The following TANGO6 variants were observed in gnomAD, a reference collection of about 807,000 sequenced individuals.
TANGO6 encodes the protein transport and golgi organization 6 homolog.
In TANGO6, 90 loss-of-function variants were observed where a neutral mutation model predicts 114.2. The ratio of observed to expected loss-of-function variants is 0.79; its 90% CI spans 0.66 to 0.94. The LOEUF is 0.94. Among genes scored for constraint, TANGO6 ranks in the 40% least tolerant of loss-of-function variants. TANGO6 has a pLI of 0.00. For synonymous variants in TANGO6, 477 were observed against 509.8 expected, an observed-to-expected ratio of 0.94 and a Z score of 0.87; for missense variants, 1,274 against 1,315.3, an observed-to-expected ratio of 0.97 and a Z score of 0.49.
At chr16:69,070,044 T>TAAAAAA (rs775552668) in intron 17 of TANGO6, among the ~76,000 whole-genome samples, 1 of 75,376 alleles carries the variant, frequency 1.3e-5, no homozygotes, top group Non-Finnish European at 2.6e-5. Flanking sequence ...CTGTCTGTAC[T>TAAAAAA]AAAAAAAAAA....
chr16:69,040,992 C>T (rs895872161), intron 17 of TANGO6, among the ~76,000 whole-genome samples: 14 of 151,988 alleles, frequency 9.2e-5, no homozygotes, highest in South Asian at 4.2e-4. Context: ...TGAGAATGAG[C>T]GACCTCTAAA....
At chr16:68,857,922 G>A (rs980724109) in intron 1 of TANGO6, among the ~76,000 whole-genome samples, 5 of 152,170 alleles carry the variant, frequency 3.3e-5, no homozygotes, top group African/African-American at 1.2e-4. Context: ...GTTTTGGGAT[G>A]AGTATTCTAA....
In TANGO6 at chr16:68,986,515, T is replaced by C. The variant is rs144553219; in HGVS notation, c.2842+12347T>C. 4.6e-5 allele frequency among the ~76,000 whole-genome samples: 7 copies of C among 152,232 alleles called. No homozygotes were observed. In the East Asian group the frequency reaches 1.4e-3, roughly 29 times the overall value. ...TTGTGTTTTAGTTTAGCAATCACTT[T>C]ACCCCTTCAGTTCATCCAAGTGATG... On this transcript the variant is annotated intron_variant, in intron 15 of 17. Coordinates refer to ENST00000261778, the MANE Select transcript of TANGO6 (RefSeq NM_024562.2).
At chr16:68,857,480 C>T (rs1408649723) in intron 1 of TANGO6, among the ~76,000 whole-genome samples, 1 of 151,802 alleles carries the variant, frequency 6.6e-6, no homozygotes, top group East Asian at 1.9e-4. Context: ...AATAAAGCTA[C>T]TGTAAACATA....
At chr16:68,864,730 G>T (rs1025259799) in intron 3 of TANGO6, among the ~76,000 whole-genome samples, 1 of 152,136 alleles carries the variant, frequency 6.6e-6, no homozygotes, top group Non-Finnish European at 1.5e-5. Context: ...CTTCCATCAG[G>T]CCTCTCTGGC....
Position 68,928,001 on chromosome 16 carries a change from G to C in TANGO6, c.2561G>C (p.Arg854Pro), listed in dbSNP as rs533793149. ...GCTTATGACCCTCAAATTCCAACAC[G>C]GGCTGCTGCCCTGCGTACTCTTTCC... ...LSAYDPQIPT[R>P]AAALRTLSHW... is the part of the protein sequence containing the mutation. Residue 854 changes from arginine (R) to proline (P), a missense_variant, in exon 13 of 18, where the codon CGG (arginine) becomes CCG (proline). By Grantham distance (103) the Arg-to-Pro change is moderately radical. Around this residue, in one of 5 missense-constraint regions of TANGO6, gnomAD observed 908 missense variants for 910.2 expected, o/e 1.00. Coordinates refer to ENST00000261778, the MANE Select transcript of TANGO6 (RefSeq NM_024562.2). The C allele has an allele frequency of 6.2e-7, 1 of 1,611,776 alleles. No homozygotes were observed. Among genetic ancestry groups the C allele is most frequent in the Admixed American group, 1.7e-5 (1 of 59,574 alleles).
intron 17 of TANGO6, among the ~76,000 whole-genome samples, chr16:69,076,137 G>A (rs759524454): frequency 9.9e-5 from 13 of 131,770 alleles, no homozygotes; most frequent in Middle Eastern, 5.0e-3. Flanking sequence ...TGTCTCCCAG[G>A]CTGGAATGCA....
chr16:68,973,182 A>ATGG (rs1963726447), intron 14 of TANGO6: 3 of 455,774 alleles, frequency 6.6e-6, no homozygotes, highest in Non-Finnish European at 1.3e-5. Context: ...TATTGGAGAA[A>ATGG]CCCAAAGCAG....
At chr16:68,891,569 A>G (rs1311729253) in intron 7 of TANGO6, among the ~76,000 whole-genome samples, 4 of 152,104 alleles carry the variant, frequency 2.6e-5, no homozygotes, top group African/African-American at 9.7e-5. Context: ...AATGTTTTTG[A>G]CCATTTTGAT....
intron 16 of TANGO6, among the ~76,000 whole-genome samples, chr16:69,038,792 C>T (rs1378094479): frequency 1.3e-5 from 2 of 152,130 alleles, no homozygotes; most frequent in Non-Finnish European, 2.9e-5. Flanking sequence ...CCTGTAATCC[C>T]AGCACTTTGG....
chr16:69,024,337 G>A (rs188837653), intron 16 of TANGO6, among the ~76,000 whole-genome samples: 1 of 151,828 alleles, frequency 6.6e-6, no homozygotes, highest in East Asian at 1.9e-4. Flanking sequence ...CACGATCTCG[G>A]CTTACTGCAA....
intron 15 of TANGO6, among the ~76,000 whole-genome samples, chr16:68,987,264 G>A (rs2152216956): frequency 6.6e-6 from 1 of 152,150 alleles, no homozygotes; most frequent in South Asian, 2.1e-4. Flanking sequence ...ACATGTTAAA[G>A]TGCTAGAACC....
At chr16:68,850,792 G>T (rs1961890225) in intron 1 of TANGO6, among the ~76,000 whole-genome samples, 1 of 152,190 alleles carries the variant, frequency 6.6e-6, no homozygotes, top group African/African-American at 2.4e-5. Context: ...CAGTTGGTGG[G>T]CCAGATTTGG....
At chr16:69,076,779 G>A (rs1960386452) in intron 17 of TANGO6, among the ~76,000 whole-genome samples, 1 of 152,148 alleles carries the variant, frequency 6.6e-6, no homozygotes, top group Non-Finnish European at 1.5e-5. Flanking sequence ...GGGGCACAGT[G>A]AACTCCAGAT....
chr16:68,875,583 A>G (rs1254392653), intron 5 of TANGO6, among the ~76,000 whole-genome samples: 1 of 152,104 alleles, frequency 6.6e-6, no homozygotes, highest in African/African-American at 2.4e-5. Flanking sequence ...CCTGACCAAC[A>G]TGGAGAAACC....
intron 17 of TANGO6, among the ~76,000 whole-genome samples, chr16:69,049,369 C>A (rs1396008588): frequency 6.6e-6 from 1 of 151,950 alleles, no homozygotes; most frequent in African/African-American, 2.4e-5. Flanking sequence ...CTGCCTCCTT[C>A]CATTCCTTTA....
At chr16:68,912,953 G>A (rs952136721) in intron 11 of TANGO6, among the ~76,000 whole-genome samples, 4 of 150,162 alleles carry the variant, frequency 2.7e-5, no homozygotes, top group African/African-American at 4.9e-5. Flanking sequence ...GGTGGCAAGC[G>A]CCTGTAATCC....
intron 12 of TANGO6, among the ~76,000 whole-genome samples, chr16:68,919,920 G>A (rs1177152390): frequency 6.6e-6 from 1 of 152,008 alleles, no homozygotes; most frequent in Non-Finnish European, 1.5e-5. Context: ...GGTGGCGGGT[G>A]CCTGTAATCC....
At chr16:68,974,515 A>T (rs1340663811) in intron 15 of TANGO6, among the ~76,000 whole-genome samples, 1 of 152,056 alleles carries the variant, frequency 6.6e-6, no homozygotes, top group Non-Finnish European at 1.5e-5. Context: ...TACAAAAATT[A>T]GCTGGGCGTG....
Sources: gnomAD v4.1 joint callset for allele counts (sites outside exome capture counted in the v4.1 genomes callset) on GRCh38, gnomAD v4.1.1 for gene constraint, gnomAD v4.1.1 regional missense constraint, MANE v1.5 for transcripts, NCBI Gene and HGNC (gene_info 2026-07-23, HGNC 2026-07-21) for gene names.